The following PSTPIP1 variants were observed in gnomAD, a reference collection of about 807,000 sequenced individuals.
PSTPIP1 encodes the protein proline-serine-threonine phosphatase interacting protein 1.
Under a neutral mutation model 69.6 loss-of-function variants are expected in PSTPIP1, and 66 were observed. That is an observed-to-expected ratio of 0.95 (90% CI 0.78 to 1.16). The LOEUF is 1.16. Ranked by LOEUF, PSTPIP1 falls within the 50% of genes most tolerant of loss-of-function variation. The pLI is 0.00. For synonymous variants in PSTPIP1, 266 were observed against 222.7 expected, an observed-to-expected ratio of 1.19 and a Z score of -1.73; for missense variants, 603 against 557.4, an observed-to-expected ratio of 1.08 and a Z score of -0.82.
At chr15:77,026,138 G>A (rs1444755725) in intron 5 of PSTPIP1, 2 of 456,016 alleles carry the variant, frequency 4.4e-6, no homozygotes, top group African/African-American at 2.0e-5. Flanking sequence ...CCGAGACAGA[G>A]TGACTGCATG....
rs374204996 is a variant in PSTPIP1, at chr15:77,032,939, G to A, written c.916G>A (p.Gly306Ser). ...CAGCCCTGGCATACAGCCGTCCTGCGGCATGATAAAGAGGTGAGGCCCCGA... is the reference window on the plus strand; with the variant it reads ...CAGCCCTGGCATACAGCCGTCCTGCAGCATGATAAAGAGGTGAGGCCCCGA... ...TSSPGIQPSC[G>S]MIKRFSGLLH... The change falls in exon 12 of 15, where the codon GGC (glycine) becomes AGC (serine). Residue 306 changes from glycine (G) to serine (S), a missense_variant. Gly to Ser is a moderately conservative substitution (Grantham distance 56). Transcript: ENST00000558012. The A allele has an allele frequency of 7.5e-6, 12 of 1,602,854 alleles. No homozygotes were observed. In the East Asian group the frequency reaches 1.6e-4, roughly 21 times the overall value.
intron 12 of PSTPIP1, among the ~76,000 whole-genome samples, chr15:77,033,580 G>A (rs1002547478): frequency 1.3e-5 from 2 of 152,188 alleles, no homozygotes; most frequent in Non-Finnish European, 2.9e-5. Context: ...TGTGCCCTGT[G>A]AGCATCCACA....
At chr15:77,030,883 G>C (rs2076397873) in intron 9 of PSTPIP1, among the ~76,000 whole-genome samples, 1 of 152,228 alleles carries the variant, frequency 6.6e-6, no homozygotes, top group Non-Finnish European at 1.5e-5. Flanking sequence ...GACAGGGCCT[G>C]GGGAACAGGG....
chr15:77,003,424 C>T (rs543867889), intron 1 of PSTPIP1, among the ~76,000 whole-genome samples: 1 of 152,222 alleles, frequency 6.6e-6, no homozygotes, highest in East Asian at 1.9e-4. Flanking sequence ...GAGGCCGAGG[C>T]GGGTGGATCA....
chr15:77,032,569 A>G, intron 11 of PSTPIP1, 175 bp downstream of exon 11: 1 of 678,176 alleles, frequency 1.5e-6, no homozygotes, highest in Non-Finnish European at 2.5e-6. Context: ...GCCTCCTCTC[A>G]GGCAAAGCTA....
chr15:77,036,391 G>A (rs1004234884), intron 14 of PSTPIP1, among the ~76,000 whole-genome samples: 1 of 152,166 alleles, frequency 6.6e-6, no homozygotes, highest in African/African-American at 2.4e-5. Context: ...CGTGGCCATG[G>A]GTGTGGAAAA....
chr15:77,015,303 A>G (rs1038398697), intron 1 of PSTPIP1, among the ~76,000 whole-genome samples: 2 of 152,172 alleles, frequency 1.3e-5, no homozygotes, highest in Non-Finnish European at 2.9e-5. Flanking sequence ...CTGCATTCAG[A>G]TCCCAAACTC....
intron 12 of PSTPIP1, among the ~76,000 whole-genome samples, chr15:77,034,495 T>C (rs115284761): frequency 0.23 from 35,398 of 151,472 alleles, 4,288 homozygotes; most frequent in Middle Eastern, 0.29. Context: ...CACAGGCCCC[T>C]GAGTCATGGC....
Position 77,037,063 on chromosome 15 carries a change from C to A in PSTPIP1, c.1138C>A (p.Leu380Met). The A allele has an allele frequency of 1.2e-6, 2 of 1,612,282 alleles. No homozygotes were observed. Among genetic ancestry groups the A allele is most frequent in the South Asian group, 2.2e-5 (2 of 91,084 alleles). ...TGGCCAGAACCCAGATGAGCTGGAC[C>A]TGTCCGCGGGAGACATCCTGGAGGT... Reference protein sequence around the residue: ...YTAQNPDELDLSAGDILEVIL... With the variant: ...YTAQNPDELDMSAGDILEVIL... The change falls in exon 15 of 15, where the codon CTG (leucine) becomes ATG (methionine). Residue 380 changes from leucine (L) to methionine (M), a missense_variant. Physicochemically the swap from Leu to Met is conservative, Grantham distance 15. Coordinates refer to ENST00000558012, the MANE Select transcript of PSTPIP1 (RefSeq NM_003978.5).
chr15:77,031,275 T>A lies in PSTPIP1; in HGVS notation c.738T>A (p.Asp246Glu). 6.2e-7 allele frequency: 1 copy of A among 1,612,442 alleles called. No homozygotes were observed. Among genetic ancestry groups the A allele is most frequent in the South Asian group, 1.1e-5 (1 of 91,034 alleles). Residue 246 changes from aspartate (D) to glutamate (E), a missense_variant, in exon 10 of 15, where the codon GAT becomes GAA. Physicochemically the swap from Asp to Glu is conservative, Grantham distance 45. Coordinates refer to ENST00000558012, the MANE Select transcript of PSTPIP1 (RefSeq NM_003978.5). ...NQLSMQCVKDDELYEEVRLTL... is the reference protein window; with the variant it reads ...NQLSMQCVKDEELYEEVRLTL... ...TCTCCATGCAGTGTGTCAAGGATGA[T>A]GAGGTGGGGGCTGAGGGCCTTGGTG... is the stretch of plus-strand genomic sequence containing the variant.
rs1453844121 is a variant in PSTPIP1 at position 76,995,581 on chromosome 15, C to A, written c.8C>A (p.Pro3His). ...CGCGGCAGACGCCTGAGGATGATGCCCCAGCTGCAGTTCAAAGATGCCTTT... is the reference window on the plus strand; with the variant it reads ...CGCGGCAGACGCCTGAGGATGATGCACCAGCTGCAGTTCAAAGATGCCTTT... MM[P>H]QLQFKDAFWC... Residue 3 changes from proline to histidine, a missense_variant, in exon 1 of 15, where the codon CCC (proline) becomes CAC (histidine). Coordinates refer to ENST00000558012, the MANE Select transcript of PSTPIP1 (RefSeq NM_003978.5). 3.7e-6 allele frequency: 6 copies of A among 1,613,658 alleles called. No homozygotes were observed. The highest frequency in any genetic ancestry group is 5.1e-6 in the Non-Finnish European group (6 of 1,179,892).
chr15:77,015,854 G>T, intron 1 of PSTPIP1: 3 of 450,714 alleles, frequency 6.7e-6, no homozygotes, highest in South Asian at 4.7e-5. Context: ...AGCTCACTCG[G>T]CCACAGCCCC....
intron 1 of PSTPIP1, among the ~76,000 whole-genome samples, chr15:77,017,451 G>A (rs2076073145): frequency 6.6e-6 from 1 of 152,192 alleles, no homozygotes; most frequent in Admixed American, 6.5e-5. Flanking sequence ...CCAGTCCAGA[G>A]GTGAATGTAG....
At chr15:77,032,495 A>T in intron 11 of PSTPIP1, 101 bp downstream of exon 11, 1 of 1,275,808 alleles carries the variant, frequency 7.8e-7, no homozygotes, top group South Asian at 1.3e-5. Flanking sequence ...GGGGTAGCTC[A>T]CAGCTCCCTT....
rs1023470775 is a variant in PSTPIP1 at position 77,037,436 on chromosome 15, C to G, written c.*260C>G. 8 of 377,404 alleles carry G rather than the reference C, an allele frequency of 2.1e-5. No homozygotes were observed. The highest frequency in any genetic ancestry group is 4.1e-5 in the African/African-American group (2 of 48,682). 23.4% of individuals were successfully genotyped at this position (377,404 alleles called of 1,614,324 possible). On this transcript the variant is annotated 3_prime_UTR_variant, in exon 15 of 15. Coordinates refer to ENST00000558012, the MANE Select transcript of PSTPIP1 (RefSeq NM_003978.5). ...AGGGAAGGAGCCTGGATGTGGAGCT[C>G]CCCAACTCAGCCGAGGCTTCAGCTA...
chr15:77,030,170 C>T (rs1474769304), intron 8 of PSTPIP1, among the ~76,000 whole-genome samples: 1 of 152,216 alleles, frequency 6.6e-6, no homozygotes. Flanking sequence ...CCTCCTCCAG[C>T]GCCCTCTCAG....
chr15:77,036,034 T>C (rs1403004247), intron 14 of PSTPIP1, 99 bp downstream of exon 14: 23 of 1,406,130 alleles, frequency 1.6e-5, no homozygotes, highest in Non-Finnish European at 2.2e-5. Flanking sequence ...CTCCTCATGG[T>C]TTCACTCATC....
At chr15:77,015,676 G>T (rs1000553000) in intron 1 of PSTPIP1, 9 of 335,406 alleles carry the variant, frequency 2.7e-5, no homozygotes, top group Middle Eastern at 1.1e-3. Flanking sequence ...GAGCCTGACT[G>T]TCCCAGCTCA....
At position 77,037,272 on chromosome 15, in the gene PSTPIP1, C is replaced by A. The variant is rs1006338741; in HGVS notation, c.*96C>A. Reference sequence around the variant, plus strand: ...CTTGCTAGGGCCCAGAACCAAGCGTCCCCCAGCCCCGAGAGGGAGCCTGTC... The same window carrying A: ...CTTGCTAGGGCCCAGAACCAAGCGTACCCCAGCCCCGAGAGGGAGCCTGTC... On this transcript the variant is annotated 3_prime_UTR_variant, in exon 15 of 15. Transcript: ENST00000558012. The A allele has an allele frequency of 4.1e-6, 6 of 1,456,468 alleles. No homozygotes were observed. In the Admixed American group the frequency reaches 6.6e-5, roughly 16 times the overall value. The allele number at this position is 1,456,468 out of a possible 1,614,324, so 90.2% of individuals were successfully genotyped here.
Sources: gnomAD v4.1 joint callset for allele counts (sites outside exome capture counted in the v4.1 genomes callset) on GRCh38, gnomAD v4.1.1 for gene constraint, MANE v1.5 for transcripts, NCBI Gene and HGNC (gene_info 2026-07-23, HGNC 2026-07-21) for gene names.